WIZ: variants seen among roughly 807,000 people sequenced by gnomAD.
WIZ encodes the protein protein Wiz.
WIZ carries 25 observed loss-of-function variants against 140.2 expected under a neutral mutation model. The observed-to-expected ratio is 0.18, with a 90% CI of 0.13 to 0.25. The LOEUF is 0.25. WIZ is among the 10% of genes least tolerant of loss of function. The pLI, the probability that WIZ is intolerant of heterozygous loss-of-function variation, is 1.00. For missense variants in WIZ, 2,231 were observed against 2,632.6 expected (o/e 0.85, Z 3.34); for synonymous variants, 1,125 against 1,154.3 (o/e 0.97, Z 0.51).
chr19:15,424,704 A>C lies in WIZ; in HGVS notation c.5223T>G (p.Ala1741=), dbSNP rs1193599434. 1 of 1,581,712 alleles carries C rather than the reference A, an allele frequency of 6.3e-7. No homozygotes were observed. The highest frequency in any genetic ancestry group is 1.1e-5 in the South Asian group (1 of 88,578). ...RSAGGEPGPE[A]GRAADGGERP... ...GCTCACCACCGTCGGCTGCCCGGCC[A>C]GCCTCGGGCCCTGGCTCCCCTCCGG... Residue 1741 remains alanine (A), a synonymous_variant, in exon 11 of 13, where the codon GCT becomes GCG. Transcript: ENST00000673675. This position sits in a 1 kb window ranked among gnomAD's most constrained non-coding sequence, Gnocchi z 9.7.
In WIZ at chr19:15,423,035, A is replaced by G; in HGVS notation, c.*41T>C. 1 of 1,598,414 alleles carries G rather than the reference A, an allele frequency of 6.3e-7. No individual in the cohort carries two copies. Among genetic ancestry groups the G allele is most frequent in the Non-Finnish European group, 8.5e-7 (1 of 1,172,244 alleles). On this transcript the variant is annotated 3_prime_UTR_variant, in exon 13 of 13. Transcript: ENST00000673675. The stretch of plus-strand genomic sequence containing the variant: ...AAGGACACAGAGGAGGAAGAAGAGG[A>G]GACAGAGGTGGCACGAGAGGGGATC...
In WIZ at chr19:15,439,828, T is replaced by G; in HGVS notation, c.1166A>C (p.Lys389Thr). The change falls in exon 4 of 13, where the codon AAG becomes ACG. Residue 389 changes from lysine (K) to threonine (T), a missense_variant. By Grantham distance (78) the Lys-to-Thr change is moderately conservative. Transcript: ENST00000673675. The surrounding 1 kb of genome is among the most constrained non-coding windows in gnomAD (Gnocchi z 7.0). ...EKIIEEIQKL[K>T]QVPGDEGREA... is the part of the protein sequence containing the mutation. Reference sequence around the variant, plus strand: ...CCGGCCCTCGTCTCCTGGAACTTGCTTCAGCTTTTGGATCTCCTCAATGAT... The same window carrying G: ...CCGGCCCTCGTCTCCTGGAACTTGCGTCAGCTTTTGGATCTCCTCAATGAT... 2 of 1,529,028 alleles carry G rather than the reference T, an allele frequency of 1.3e-6. No individual in the cohort carries two copies. Among genetic ancestry groups the G allele is most frequent in the Non-Finnish European group, 1.7e-6 (2 of 1,143,396 alleles). 94.7% of individuals were successfully genotyped at this position (1,529,028 alleles called of 1,614,324 possible).
intron 4 of WIZ, 28 bp from the exon 5 acceptor site, chr19:15,437,157 G>C (rs765746645): frequency 2.6e-6 from 4 of 1,539,046 alleles, no homozygotes; most frequent in Non-Finnish European, 3.5e-6. Flanking sequence ...GACTGCCTGA[G>C]GTGGAGAGGG....
In WIZ at chr19:15,420,856, G is replaced by A. The variant is rs1273660778; in HGVS notation, c.*2220C>T. 6.6e-6 allele frequency: 1 copy of A among 152,208 alleles called. No homozygotes were observed. Among genetic ancestry groups the A allele is most frequent in the Non-Finnish European group, 1.5e-5 (1 of 68,066 alleles). The allele number at this position is 152,208 out of a possible 1,614,324, so 9.4% of individuals were successfully genotyped here. On this transcript the variant is annotated 3_prime_UTR_variant, in exon 13 of 13. Transcript: ENST00000673675. ...AACTGACTTACGGGCCGGGCATAGTGGCTCACGCCTGTAATCCCAGCACTT... is the reference window on the plus strand; with the variant it reads ...AACTGACTTACGGGCCGGGCATAGTAGCTCACGCCTGTAATCCCAGCACTT...
At chr19:15,436,458 A>G (rs146525409) in intron 5 of WIZ, 19 of 203,868 alleles carry the variant, frequency 9.3e-5, no homozygotes, top group African/African-American at 3.9e-4. Context: ...AGAAATAATA[A>G]CACCTGCCTT....
At chr19:15,446,785 A>T (rs903561899) in intron 2 of WIZ, among the ~76,000 whole-genome samples, 2 of 152,188 alleles carry the variant, frequency 1.3e-5, no homozygotes, top group African/African-American at 4.8e-5. Flanking sequence ...GTATCATAAC[A>T]TCTGTCTCCC....
At position 15,424,652 on chromosome 19, in the gene WIZ, T is replaced by C; in HGVS notation, c.5275A>G (p.Thr1759Ala). The change falls in exon 11 of 13, where the codon ACC becomes GCC. Residue 1759 changes from threonine (T) to alanine (A), a missense_variant. Physicochemically the swap from Thr to Ala is moderately conservative, Grantham distance 58. Transcript: ENST00000673675. This position sits in a 1 kb window ranked among gnomAD's most constrained non-coding sequence, Gnocchi z 9.7. ...ERPLAASPPG[T>A]VKAEEHQRQN... ...CGCTGGTGCTCCTCAGCCTTCACGG[T>C]GCCTGGCGGGCTGGCTGCCAGAGGC... is the stretch of plus-strand genomic sequence containing the variant. The C allele has an allele frequency of 1.3e-6, 2 of 1,592,544 alleles. No homozygotes were observed. Among genetic ancestry groups the C allele is most frequent in the South Asian group, 2.2e-5 (2 of 90,014 alleles).
intron 5 of WIZ, chr19:15,433,040 A>T (rs1969370777): frequency 6.4e-6 from 1 of 155,830 alleles, no homozygotes; most frequent in African/African-American, 2.4e-5. Flanking sequence ...CCTCACTCAG[A>T]CCCCCTTAAA....
At position 15,439,328 on chromosome 19, in the gene WIZ, G is replaced by A. The variant is rs1318622927; in HGVS notation, c.1666C>T (p.Leu556=). 2.6e-6 allele frequency: 4 copies of A among 1,535,684 alleles called. No individual in the cohort carries two copies. The highest frequency in any genetic ancestry group is 2.0e-5 in the Admixed American group (1 of 50,942). The change falls in exon 4 of 13, where the codon CTG becomes TTG. Residue 556 remains leucine, a synonymous_variant. Coordinates refer to ENST00000673675, the MANE Select transcript of WIZ (RefSeq NM_001371589.1). The surrounding 1 kb of genome is among the most constrained non-coding windows in gnomAD (Gnocchi z 7.0). ...GACAGCGGGAAATCTCTGATGCTCA[G>A]CTGCTGGCATCCTGGGCCAAAGGCC... ...SLAFGPGCQQ[L]SIRDFPLSKP...
Position 15,448,173 on chromosome 19 carries a change from C to A in WIZ, c.135G>T (p.Arg45=). Residue 45 remains arginine (R), a synonymous_variant, in exon 2 of 13, where the codon CGG becomes CGT. Transcript: ENST00000673675. ...EAAEGEGGIF[R]STRYLPVTKE... is the part of the protein sequence containing the mutation. Reference sequence around the variant, plus strand: ...TGGTGACAGGCAGGTAACGGGTGGACCGGAAGATGCCACCTTCCCCCTCAG... The same window carrying A: ...TGGTGACAGGCAGGTAACGGGTGGAACGGAAGATGCCACCTTCCCCCTCAG... 1.2e-6 allele frequency: 2 copies of A among 1,612,934 alleles called. No homozygotes were observed. The highest frequency in any genetic ancestry group is 8.5e-7 in the Non-Finnish European group (1 of 1,179,282).
rs147533722 is a variant in WIZ, at chr19:15,422,902, G to C, written c.*174C>G. 97 of 946,684 alleles carry C rather than the reference G, an allele frequency of 1.0e-4. No homozygotes were observed. The African/African-American group carries it at 1.5e-3, about 14-fold the overall frequency. The allele number at this position is 946,684 out of a possible 1,614,324, so 58.6% of individuals were successfully genotyped here. ...GAGTCCTCGGGCTGGGGGAAGGGCA[G>C]CTAGCTGGCTCCCGGCGCCCTGGCT... is the stretch of plus-strand genomic sequence containing the variant. On this transcript the variant is annotated 3_prime_UTR_variant, in exon 13 of 13. Transcript: ENST00000673675.
chr19:15,438,431 A>T (rs1025585780), intron 4 of WIZ, 147 bp downstream of exon 4: 1 of 892,698 alleles, frequency 1.1e-6, no homozygotes, highest in African/African-American at 1.7e-5. Flanking sequence ...ACATCCACCG[A>T]CCAGGTGGCC....
chr19:15,432,522 TGGCGGCGGCGGCGGGGGTGGGGGC>T (rs1457384651), intron 5 of WIZ: 34 of 229,502 alleles, frequency 1.5e-4, no homozygotes, highest in Non-Finnish European at 1.8e-4. Context: ...GCGGTGGTGG[TGGCGGCGGCGGCGGGGGTGGGGGC>T]GGCGGCGGCG....
At position 15,425,267 on chromosome 19, in the gene WIZ, G is replaced by T. The variant is rs775637990; in HGVS notation, c.4868C>A (p.Thr1623Asn). The T allele has an allele frequency of 1.3e-6, 2 of 1,590,126 alleles. No homozygotes were observed. The highest frequency in any genetic ancestry group is 8.6e-7 in the Non-Finnish European group (1 of 1,169,092). ...GGAGTGGGAGGTCTTCTCATGAAGGGTCTTTGCCTTGAAGGGCAGTTCAGT... is the reference window on the plus strand; with the variant it reads ...GGAGTGGGAGGTCTTCTCATGAAGGTTCTTTGCCTTGAAGGGCAGTTCAGT... ...IQTELPFKAK[T>N]LHEKTSHSST... The change falls in exon 10 of 13, where the codon ACC (threonine) becomes AAC (asparagine). Residue 1623 changes from threonine (T) to asparagine (N), a missense_variant. Physicochemically the swap from Thr to Asn is moderately conservative, Grantham distance 65 (BLOSUM62 0). This residue lies in a region of WIZ where 393 missense variants were observed against 451.7 expected (regional missense o/e 0.87). Coordinates refer to ENST00000673675, the MANE Select transcript of WIZ (RefSeq NM_001371589.1).
intron 2 of WIZ, among the ~76,000 whole-genome samples, chr19:15,447,031 G>C (rs980812481): frequency 2.6e-5 from 4 of 152,176 alleles, no homozygotes; most frequent in Non-Finnish European, 4.4e-5. Context: ...TTATGTCACC[G>C]CTCAGGGTCT....
rs1379078370 is a variant in WIZ, at chr19:15,438,896, C to T, written c.2098G>A (p.Val700Met). 10 of 1,450,734 alleles carry T rather than the reference C, an allele frequency of 6.9e-6. No individual in the cohort carries two copies. The South Asian group carries it at 1.4e-4, about 20-fold the overall frequency. 89.9% of individuals were successfully genotyped at this position (1,450,734 alleles called of 1,614,324 possible). ...TCCTCGGGCTGCAACCTTGGGGGCA[C>T]CCTGGCTGCCGCCATGACCTGCGGC... is the stretch of plus-strand genomic sequence containing the variant. ...LGPQVMAAAR[V>M]PPRLQPEELG... The change falls in exon 4 of 13, where the codon GTG becomes ATG. Residue 700 changes from valine to methionine, a missense_variant. Physicochemically the swap from Val to Met is conservative, Grantham distance 21 (BLOSUM62 1). Around this residue, in one of 15 missense-constraint regions of WIZ, gnomAD observed 475 missense variants for 520.2 expected, o/e 0.91. Coordinates refer to ENST00000673675, the MANE Select transcript of WIZ (RefSeq NM_001371589.1).
Position 15,439,633 on chromosome 19 carries a change from T to C in WIZ, c.1361A>G (p.Tyr454Cys). 1.3e-6 allele frequency: 2 copies of C among 1,489,186 alleles called. No homozygotes were observed. Among genetic ancestry groups the C allele is most frequent in the Non-Finnish European group, 1.8e-6 (2 of 1,125,548 alleles). The allele number at this position is 1,489,186 out of a possible 1,614,324, so 92.2% of individuals were successfully genotyped here. A position where few individuals can be genotyped will look rare whatever the true frequency, so the allele number is the denominator to read the frequency against. ...SPSPEASALLYQPYGAAVGLS... is the reference protein window; with the variant it reads ...SPSPEASALLCQPYGAAVGLS... ...GCCAACGGCAGCTCCGTAGGGCTGA[T>C]AGAGGAGGGCGCTGGCCTCAGGGCT... is the stretch of plus-strand genomic sequence containing the variant. Residue 454 changes from tyrosine to cysteine, a missense_variant, in exon 4 of 13, where the codon TAT (tyrosine) becomes TGT (cysteine). By Grantham distance (194) the Tyr-to-Cys change is radical. Coordinates refer to ENST00000673675, the MANE Select transcript of WIZ (RefSeq NM_001371589.1). The surrounding 1 kb of genome is among the most constrained non-coding windows in gnomAD (Gnocchi z 7.0).
Position 15,431,027 on chromosome 19 carries a change from GCTC to G in WIZ, c.2893_2895del (p.Glu965del). 6 of 1,534,806 alleles carry G rather than the reference GCTC, an allele frequency of 3.9e-6. No individual in the cohort carries two copies. Among genetic ancestry groups the G allele is most frequent in the Non-Finnish European group, 5.2e-6 (6 of 1,146,240 alleles). ...GGCCACTCACCCTTGAGGTCCTGCA[GCTC>G]CTGTTTGCTGCCATGAGGAACCTCT... On this transcript the variant is annotated inframe_deletion, in exon 6 of 13. Transcript: ENST00000673675.
At chr19:15,445,786 G>A (rs1415519242) in intron 2 of WIZ, among the ~76,000 whole-genome samples, 2 of 152,174 alleles carry the variant, frequency 1.3e-5, no homozygotes, top group East Asian at 1.9e-4. Context: ...CAGCCGTAAC[G>A]GGGGACAGAG....
Sources: gnomAD v4.1 joint callset for allele counts (sites outside exome capture counted in the v4.1 genomes callset) on GRCh38, gnomAD v4.1.1 for gene constraint, gnomAD v4.1.1 regional missense constraint, Gnocchi (gnomAD v3.1) non-coding constraint, MANE v1.5 for transcripts, NCBI Gene and HGNC (gene_info 2026-07-23, HGNC 2026-07-21) for gene names.